TOP6BL: variants seen among roughly 807,000 people sequenced by gnomAD.
TOP6BL encodes the protein type 2 DNA topoisomerase 6 subunit B-like.
chr11:66,754,348 C>A, the TOP6BL span, among the ~76,000 whole-genome samples: 1 of 152,032 alleles, frequency 6.6e-6, no homozygotes, highest in Non-Finnish European at 1.5e-5. Context: ...AATCGTTTCT[C>A]TCATAATTTT....
the TOP6BL span, among the ~76,000 whole-genome samples, chr11:66,809,560 T>C: frequency 2.6e-5 from 4 of 152,196 alleles, no homozygotes; most frequent in Non-Finnish European, 5.9e-5. Context: ...CTCTTAAAAT[T>C]TATTCAGTGG....
At chr11:66,809,886 A>G in the TOP6BL span, among the ~76,000 whole-genome samples, 257 of 152,060 alleles carry the variant, frequency 1.7e-3, no homozygotes, top group African/African-American at 5.9e-3. Context: ...TTTTATTTTT[A>G]TTTTTTGTAG....
chr11:66,788,290 A>C, the TOP6BL span: 1 of 1,458,862 alleles, frequency 6.9e-7, no homozygotes, highest in Non-Finnish European at 9.6e-7. Context: ...TTGTGGTCTT[A>C]TAAATTACTA....
At chr11:66,790,788 G>A in the TOP6BL span, among the ~76,000 whole-genome samples, 1 of 152,158 alleles carries the variant, frequency 6.6e-6, no homozygotes, top group Non-Finnish European at 1.5e-5. Context: ...TGTTGAAGAG[G>A]TCAGGGAACT....
At chr11:66,819,028 C>T in the TOP6BL span, among the ~76,000 whole-genome samples, 1 of 152,150 alleles carries the variant, frequency 6.6e-6, no homozygotes, top group Non-Finnish European at 1.5e-5. Flanking sequence ...TAAGACTAGC[C>T]TCTGAAGAAG....
At chr11:66,833,708 G>A in the TOP6BL span, among the ~76,000 whole-genome samples, 1 of 152,110 alleles carries the variant, frequency 6.6e-6, no homozygotes, top group African/African-American at 2.4e-5. Context: ...AGCACTTTGG[G>A]AGGGCAAGGC....
the TOP6BL span, among the ~76,000 whole-genome samples, chr11:66,747,527 T>C: frequency 1.3e-5 from 2 of 149,832 alleles, no homozygotes; most frequent in East Asian, 4.1e-4. Context: ...GTACCTTATT[T>C]GTTTACTTTC....
At chr11:66,842,599 T>C in the TOP6BL span, among the ~76,000 whole-genome samples, 1 of 151,736 alleles carries the variant, frequency 6.6e-6, no homozygotes, top group Non-Finnish European at 1.5e-5. Flanking sequence ...GCGGCCTGAG[T>C]CCCCCAAGTG....
At chr11:66,763,969 A>G in the TOP6BL span, among the ~76,000 whole-genome samples, 1 of 152,198 alleles carries the variant, frequency 6.6e-6, no homozygotes, top group East Asian at 1.9e-4. Flanking sequence ...TCCCTTTAGT[A>G]TTAATCACAA....
the TOP6BL span, chr11:66,814,020 A>G: frequency 1.9e-6 from 3 of 1,609,860 alleles, no homozygotes; most frequent in Non-Finnish European, 2.6e-6. Context: ...ATAGAGGTAT[A>G]TCCTCCCTCT....
At chr11:66,804,942 C>T in the TOP6BL span, among the ~76,000 whole-genome samples, 1 of 152,186 alleles carries the variant, frequency 6.6e-6, no homozygotes, top group Non-Finnish European at 1.5e-5. Context: ...TGGCAGGCGC[C>T]TGTAATCCCA....
At chr11:66,800,550 C>A in the TOP6BL span, 2 of 993,788 alleles carry the variant, frequency 2.0e-6, no homozygotes, top group Non-Finnish European at 2.9e-6. Flanking sequence ...ATTTTTTAAG[C>A]TTATTCTTTT....
the TOP6BL span, among the ~76,000 whole-genome samples, chr11:66,793,092 GTT>G: frequency 5.5e-5 from 8 of 145,938 alleles, no homozygotes; most frequent in South Asian, 4.4e-4. Context: ...TGGTAATAAT[GTT>G]TTTTTTTTTT....
the TOP6BL span, among the ~76,000 whole-genome samples, chr11:66,755,414 C>G: frequency 3.3e-4 from 50 of 152,186 alleles, no homozygotes; most frequent in Non-Finnish European, 6.3e-4. Flanking sequence ...AGCCACTGTG[C>G]CTAGCCTGTA....
chr11:66,763,544 A>G, the TOP6BL span, among the ~76,000 whole-genome samples: 1 of 151,988 alleles, frequency 6.6e-6, no homozygotes, highest in African/African-American at 2.4e-5. Context: ...TCCTGGGCTC[A>G]AGCAGTCCTC....
chr11:66,834,997 A>G, the TOP6BL span, among the ~76,000 whole-genome samples: 4 of 132,880 alleles, frequency 3.0e-5, no homozygotes, highest in Non-Finnish European at 4.7e-5. Flanking sequence ...CAAGGAGGCA[A>G]TTTTCTAAGG....
the TOP6BL span, among the ~76,000 whole-genome samples, chr11:66,755,558 G>A: frequency 2.0e-5 from 3 of 152,110 alleles, no homozygotes; most frequent in Admixed American, 6.6e-5. Flanking sequence ...GTGTTCAATC[G>A]GCTGTCTTTA....
the TOP6BL span, among the ~76,000 whole-genome samples, chr11:66,797,071 C>T: frequency 6.6e-6 from 1 of 151,322 alleles, no homozygotes; most frequent in African/African-American, 2.4e-5. Context: ...ATGATCTCGG[C>T]TCACTGCAAC....
chr11:66,773,411 A>G, the TOP6BL span, among the ~76,000 whole-genome samples: 1 of 149,936 alleles, frequency 6.7e-6, no homozygotes, highest in Non-Finnish European at 1.5e-5. Context: ...TGTCCATTTT[A>G]TCTAAGTTAT....
Sources: gnomAD v4.1 joint callset for allele counts (sites outside exome capture counted in the v4.1 genomes callset) on GRCh38, gnomAD v4.1.1 for gene constraint, MANE v1.5 for transcripts, NCBI Gene and HGNC (gene_info 2026-07-23, HGNC 2026-07-21) for gene names.